The following RIMKLB variants were observed in gnomAD, a reference collection of about 807,000 sequenced individuals.
RIMKLB encodes ribosomal modification protein rimK like family member B.
In RIMKLB, 7 loss-of-function variants were observed where a neutral mutation model predicts 32.0. The observed-to-expected ratio is 0.22, with a 90% CI of 0.12 to 0.41. RIMKLB has a LOEUF of 0.41. Among genes scored for constraint, RIMKLB ranks in the 10% least tolerant of loss-of-function variants. The probability of loss-of-function intolerance (pLI) is 1.00; values close to 1 mark genes in which losing one functional copy is unlikely to be tolerated. For synonymous variants in RIMKLB, 172 were observed against 185.1 expected (o/e 0.93, Z 0.57); for missense variants, 289 against 498.7 (o/e 0.58, Z 4.00).
chr12:8,761,163 G>A (rs1374412868), intron 5 of RIMKLB, among the ~76,000 whole-genome samples: 1 of 151,228 alleles, frequency 6.6e-6, no homozygotes, highest in Non-Finnish European at 1.5e-5. Flanking sequence ...GGGCAACATG[G>A]CTAAACTCTA....
intron 2 of RIMKLB, among the ~76,000 whole-genome samples, chr12:8,717,988 G>A (rs59705800): frequency 0.033 from 5,089 of 152,210 alleles, 293 homozygotes; most frequent in African/African-American, 0.12. Flanking sequence ...TAGCAGAATT[G>A]TATTTTCCTT....
chr12:8,684,507 A>G (rs915431889), intron 1 of RIMKLB, among the ~76,000 whole-genome samples: 5 of 152,106 alleles, frequency 3.3e-5, no homozygotes, highest in Admixed American at 2.6e-4. Context: ...TAGGAGTGGT[A>G]TCTTTTGCAT....
intron 2 of RIMKLB, among the ~76,000 whole-genome samples, chr12:8,749,229 T>G (rs1948419651): frequency 6.6e-6 from 1 of 151,920 alleles, no homozygotes; most frequent in East Asian, 1.9e-4. Context: ...ATTTTTTTTT[T>G]TTTTTTGAGT....
intron 2 of RIMKLB, among the ~76,000 whole-genome samples, chr12:8,730,681 G>A (rs1946453759): frequency 6.6e-6 from 1 of 152,120 alleles, no homozygotes. Flanking sequence ...TTGTGGAAAG[G>A]GTAGGGCAAG....
At chr12:8,684,264 C>T (rs565724178) in intron 1 of RIMKLB, among the ~76,000 whole-genome samples, 54 of 151,474 alleles carry the variant, frequency 3.6e-4, no homozygotes, top group Non-Finnish European at 6.8e-4. Flanking sequence ...ACCTCTGCCT[C>T]CCGGTTCAAG....
intron 2 of RIMKLB, among the ~76,000 whole-genome samples, chr12:8,726,059 G>T (rs1945967953): frequency 6.6e-6 from 1 of 152,220 alleles, no homozygotes; most frequent in Admixed American, 6.5e-5. Context: ...TGTTGGCCTG[G>T]TTGGTCTTGA....
downstream of RIMKLB, among the ~76,000 whole-genome samples, chr12:8,781,303 C>T (rs1397018477): frequency 2.0e-5 from 3 of 152,218 alleles, no homozygotes; most frequent in African/African-American, 7.2e-5. Flanking sequence ...GATCAAGTCA[C>T]TGCACTCCAG....
chr12:8,777,001 T>A lies in RIMKLB; in HGVS notation c.*3217T>A. 1 of 985,738 alleles carries A rather than the reference T, an allele frequency of 1.0e-6. No individual in the cohort carries two copies. The highest frequency in any genetic ancestry group is 1.2e-6 in the Non-Finnish European group (1 of 829,856). The allele number at this position is 985,738 out of a possible 1,614,324, so 61.1% of individuals were successfully genotyped here. A position where few individuals can be genotyped will look rare whatever the true frequency, so the allele number is the denominator to read the frequency against. On this transcript the variant is annotated 3_prime_UTR_variant, in exon 6 of 6. Coordinates refer to ENST00000535829, the MANE Select transcript of RIMKLB (RefSeq NM_001297776.2). Reference sequence around the variant, plus strand: ...GTGTTATACTTTTCTCCTGGCTCACTTTTTTTGAGAAGGTTTATGGGCTAT... The same window carrying A: ...GTGTTATACTTTTCTCCTGGCTCACATTTTTTGAGAAGGTTTATGGGCTAT...
chr12:8,756,118 C>T (rs774606562), intron 5 of RIMKLB, among the ~76,000 whole-genome samples: 1 of 148,298 alleles, frequency 6.7e-6, no homozygotes, highest in South Asian at 2.1e-4. Flanking sequence ...TGCACCACTG[C>T]ACTCCAGCCT....
At chr12:8,732,384 A>G (rs1251361349) in intron 2 of RIMKLB, among the ~76,000 whole-genome samples, 1 of 152,086 alleles carries the variant, frequency 6.6e-6, no homozygotes, top group Non-Finnish European at 1.5e-5. Context: ...AGCCCAACAC[A>G]TTTAGGTCCA....
chr12:8,740,218 T>C (rs112546412), intron 2 of RIMKLB, among the ~76,000 whole-genome samples: 1 of 152,370 alleles, frequency 6.6e-6, no homozygotes, highest in Middle Eastern at 3.4e-3. Flanking sequence ...ATTTGTATTT[T>C]CTAGTTTCTG....
chr12:8,751,627 A>G (rs1465339015), intron 3 of RIMKLB, among the ~76,000 whole-genome samples: 2 of 152,194 alleles, frequency 1.3e-5, no homozygotes, highest in African/African-American at 4.8e-5. Flanking sequence ...AATTGAATAT[A>G]TTAAAGTAAA....
chr12:8,708,483 A>G (rs897157242), intron 1 of RIMKLB, among the ~76,000 whole-genome samples: 1 of 152,136 alleles, frequency 6.6e-6, no homozygotes, highest in African/African-American at 2.4e-5. Context: ...AGCTTTAAAT[A>G]TTTGTAATGT....
intron 2 of RIMKLB, among the ~76,000 whole-genome samples, chr12:8,717,095 A>G (rs1466799355): frequency 1.4e-5 from 1 of 72,498 alleles, no homozygotes; most frequent in Non-Finnish European, 3.0e-5. Context: ...TTTTTTATGT[A>G]TTATTTAACT....
chr12:8,683,711 C>T (rs756772308), intron 1 of RIMKLB, among the ~76,000 whole-genome samples: 7 of 152,144 alleles, frequency 4.6e-5, no homozygotes, highest in Non-Finnish European at 1.0e-4. Context: ...ATTCTCTTGA[C>T]ATTCTCTTTA....
At chr12:8,682,786 A>T (rs995407084) in intron 1 of RIMKLB, among the ~76,000 whole-genome samples, 1 of 115,046 alleles carries the variant, frequency 8.7e-6, no homozygotes, top group Non-Finnish European at 1.7e-5. Context: ...AAAAAATAAA[A>T]ATAAAAATAA....
chr12:8,749,108 A>T (rs1189295389), intron 2 of RIMKLB, among the ~76,000 whole-genome samples: 4 of 152,206 alleles, frequency 2.6e-5, no homozygotes, highest in Non-Finnish European at 4.4e-5. Context: ...AACATAATAT[A>T]GATTGAGAAT....
downstream of RIMKLB, chr12:8,777,770 T>G: frequency 4.8e-6 from 5 of 1,037,278 alleles, no homozygotes; most frequent in Non-Finnish European, 6.1e-6. Context: ...ATGCACCGGT[T>G]TGGATTCAGG....
chr12:8,688,700 T>TA (rs145112158), intron 1 of RIMKLB, among the ~76,000 whole-genome samples: 35,526 of 152,100 alleles, frequency 0.23, 4,387 homozygotes, highest in Non-Finnish European at 0.26. Context: ...TTTATATAAT[T>TA]AAAAAAACTT....
Sources: gnomAD v4.1 joint callset for allele counts (sites outside exome capture counted in the v4.1 genomes callset) on GRCh38, gnomAD v4.1.1 for gene constraint, MANE v1.5 for transcripts, NCBI Gene and HGNC (gene_info 2026-07-23, HGNC 2026-07-21) for gene names.